Variants in TTC28 observed in about 807,000 individuals in gnomAD.
TTC28 encodes the protein tetratricopeptide repeat protein 28.
In TTC28, 61 loss-of-function variants were observed where a neutral mutation model predicts 198.0. That is an observed-to-expected ratio of 0.31 (90% CI 0.25 to 0.38). The LOEUF (loss-of-function observed/expected upper bound fraction) is 0.38, where lower values mean the gene tolerates loss of function less well. TTC28 is among the 10% of genes least tolerant of loss of function. The pLI is 1.00. For synonymous variants in TTC28, 1,171 were observed against 1,297.8 expected (o/e 0.90, Z 2.10); for missense variants, 2,678 against 3,164.0 (o/e 0.85, Z 3.69).
intron 1 of TTC28, among the ~76,000 whole-genome samples, chr22:28,648,011 T>C (rs1412570290): frequency 6.6e-6 from 1 of 150,702 alleles, no homozygotes; most frequent in African/African-American, 2.4e-5. Context: ...GATCATGAGG[T>C]CAGGAGACCA....
chr22:28,293,588 T>C (rs990666589), intron 5 of TTC28, among the ~76,000 whole-genome samples: 2 of 152,090 alleles, frequency 1.3e-5, no homozygotes, highest in Non-Finnish European at 2.9e-5. Flanking sequence ...TCATATTGCA[T>C]ACTCAAAATT....
rs1176663525 is a variant in TTC28 at position 28,377,077 on chromosome 22, A to G, written c.382-70434T>C. Among the ~76,000 whole-genome samples the G allele has an allele frequency of 3.1e-5, 4 of 127,570 alleles. No individual in the cohort carries two copies. In the East Asian group the frequency reaches 9.9e-4, roughly 32 times the overall value. The allele number at this position is 127,570 out of a possible 152,430, so 83.7% of individuals were successfully genotyped here. ...AAGTTAAAAAAAAAACATGTAATAC[A>G]CAGGACATAATAGATTCTAAAGTAA... On this transcript the variant is annotated intron_variant, in intron 2 of 22. Coordinates refer to ENST00000397906, the MANE Select transcript of TTC28 (RefSeq NM_001145418.2).
chr22:28,171,277 G>A (rs1178176270), intron 5 of TTC28, among the ~76,000 whole-genome samples: 1 of 151,826 alleles, frequency 6.6e-6, no homozygotes. Context: ...TTCATTACCG[G>A]CCTATGGCTA....
chr22:28,357,315 ATTTTTT>A (rs11415868), intron 2 of TTC28, among the ~76,000 whole-genome samples: 5 of 113,486 alleles, frequency 4.4e-5, no homozygotes, highest in East Asian at 2.5e-4. Flanking sequence ...CAAATTTCTT[ATTTTTT>A]TTTTTTTTTT....
At chr22:28,587,737 A>G (rs1194052052) in intron 2 of TTC28, among the ~76,000 whole-genome samples, 1 of 152,072 alleles carries the variant, frequency 6.6e-6, no homozygotes, top group Non-Finnish European at 1.5e-5. Flanking sequence ...GTCAGCCACC[A>G]TGCCTGGCCT....
At chr22:28,075,023 G>T (rs1203539921) in intron 12 of TTC28, among the ~76,000 whole-genome samples, 1 of 152,060 alleles carries the variant, frequency 6.6e-6, no homozygotes, top group Non-Finnish European at 1.5e-5. Flanking sequence ...AGGAGGCAGA[G>T]GTTTCAGTGA....
chr22:28,567,471 CATACATACATATATATATATAT>C (rs1387600862), intron 2 of TTC28, among the ~76,000 whole-genome samples: 1,372 of 27,116 alleles, frequency 0.051, 66 homozygotes, highest in African/African-American at 0.14. Context: ...CACGCATATA[CATACATACATATATATATATAT>C]ATATATATAT....
intron 5 of TTC28, among the ~76,000 whole-genome samples, chr22:28,234,766 A>C (rs1403102887): frequency 6.6e-6 from 1 of 152,166 alleles, no homozygotes; most frequent in African/African-American, 2.4e-5. Flanking sequence ...GGTGTGAGTA[A>C]AATTCCTGAA....
chr22:28,549,693 T>C (rs980368958), intron 2 of TTC28, among the ~76,000 whole-genome samples: 6 of 152,218 alleles, frequency 3.9e-5, no homozygotes, highest in South Asian at 4.1e-4. Context: ...ATAACAACTA[T>C]ATTCTGTAGG....
At chr22:28,304,388 A>G (rs1231753768) in intron 3 of TTC28, among the ~76,000 whole-genome samples, 1 of 152,182 alleles carries the variant, frequency 6.6e-6, no homozygotes, top group East Asian at 1.9e-4. Context: ...ACAGAACAAT[A>G]CTGTGCAATG....
intron 1 of TTC28, 129 bp downstream of exon 1, chr22:28,679,486 CGCGGCTG>C (rs1041786844): frequency 7.2e-6 from 4 of 557,114 alleles, no homozygotes; most frequent in Admixed American, 4.3e-5. Flanking sequence ...CCTCACGGCT[CGCGGCTG>C]GGATCGAACC....
chr22:28,173,244 T>A (rs1480554409), intron 5 of TTC28, among the ~76,000 whole-genome samples: 1 of 152,214 alleles, frequency 6.6e-6, no homozygotes, highest in Non-Finnish European at 1.5e-5. Flanking sequence ...TTTGTTCCTG[T>A]TCCTGTAGAA....
At chr22:28,029,127 C>G in intron 13 of TTC28, 1 of 471,098 alleles carries the variant, frequency 2.1e-6, no homozygotes, top group Non-Finnish European at 4.4e-6. Context: ...CTACATGAAA[C>G]CAAAAGCCAT....
chr22:28,533,248 T>C (rs1332065804), intron 2 of TTC28, among the ~76,000 whole-genome samples: 1 of 152,106 alleles, frequency 6.6e-6, no homozygotes, highest in Non-Finnish European at 1.5e-5. Flanking sequence ...ATCACAAGCA[T>C]TCCTATACAC....
At chr22:28,643,672 T>A (rs1484839490) in intron 1 of TTC28, among the ~76,000 whole-genome samples, 2 of 152,234 alleles carry the variant, frequency 1.3e-5, no homozygotes, top group South Asian at 4.1e-4. Context: ...GGTCAATAGT[T>A]GCCAGTTCTT....
intron 2 of TTC28, among the ~76,000 whole-genome samples, chr22:28,362,085 T>C (rs1311991290): frequency 6.6e-6 from 1 of 152,204 alleles, no homozygotes; most frequent in African/African-American, 2.4e-5. Context: ...ATATACATTC[T>C]GAAGCCCACA....
chr22:28,378,084 A>C (rs2046439223), intron 2 of TTC28, among the ~76,000 whole-genome samples: 1 of 152,190 alleles, frequency 6.6e-6, no homozygotes, highest in African/African-American at 2.4e-5. Context: ...GCTCACGCCT[A>C]TAATCCCAGC....
At chr22:28,425,203 C>T (rs575007600) in intron 2 of TTC28, among the ~76,000 whole-genome samples, 2 of 152,274 alleles carry the variant, frequency 1.3e-5, no homozygotes, top group African/African-American at 4.8e-5. Flanking sequence ...CTGTTGCTGA[C>T]GTACTAAATA....
At chr22:28,271,730 G>A (rs1391656829) in intron 5 of TTC28, among the ~76,000 whole-genome samples, 4 of 152,120 alleles carry the variant, frequency 2.6e-5, no homozygotes, top group East Asian at 1.9e-4. Context: ...TCAGCCTCCC[G>A]AGTAGCTAGG....
Sources: allele counts gnomAD v4.1 joint callset (sites outside exome capture counted in the v4.1 genomes callset), GRCh38; gene constraint gnomAD v4.1.1; transcripts MANE v1.5; gene names NCBI Gene and HGNC (gene_info 2026-07-23, HGNC 2026-07-21).